Variants in DNASE1 observed in about 807,000 individuals in gnomAD.
DNASE1 encodes the protein deoxyribonuclease-1.
Under a neutral mutation model 33.9 loss-of-function variants are expected in DNASE1, and 40 were observed. That is an observed-to-expected ratio of 1.18 (90% CI 0.92 to 1.54). DNASE1 has a LOEUF of 1.54. Ranked by LOEUF, DNASE1 falls within the 40% of genes most tolerant of loss-of-function variation. The probability of loss-of-function intolerance (pLI) is 0.00; values close to 1 mark genes in which losing one functional copy is unlikely to be tolerated. For missense variants in DNASE1, 518 were observed against 372.6 expected (o/e 1.39, Z -3.21); for synonymous variants, 216 against 160.0 (o/e 1.35, Z -2.64).
In DNASE1 at chr16:3,627,275, C is replaced by CT. The variant is rs774487244; in HGVS notation, c.-1358-13424dup. ...TTGATTAGTGTTTGCATGACATATC[C>CT]TTTTTTTTTTTTTTTTAGACAGGGT... On this transcript the variant is annotated intron_variant and NMD_transcript_variant, in intron 1 of 11. Coordinates refer to the DNASE1 transcript ENST00000570769. Among the ~76,000 whole-genome samples, 1,541 of 133,862 alleles carry CT rather than the reference C, an allele frequency of 0.012. 56 individuals carry two copies. In the East Asian group the frequency reaches 0.13, roughly 12 times the overall value. 87.8% of individuals were successfully genotyped at this position (133,862 alleles called of 152,430 possible). A position where few individuals can be genotyped will look rare whatever the true frequency, so the allele number is the denominator to read the frequency against.
rs149879588 is a variant in DNASE1, at chr16:3,630,827, C to A, written c.-1358-9888C>A. Among the ~76,000 whole-genome samples, 126 of 151,866 alleles carry A rather than the reference C, an allele frequency of 8.3e-4. 1 individual carries two copies. The highest frequency in any genetic ancestry group is 2.7e-3 in the African/African-American group (112 of 41,404). ...ATCTAGCCTGAGCAACATAGAGAGA[C>A]CCTGTCTCTCTAAAAATAAAAGTAA... On this transcript the variant is annotated intron_variant and NMD_transcript_variant, in intron 1 of 11. Transcript: ENST00000570769.
chr16:3,664,152 C>A, exon 10 of DNASE1: 3 of 1,091,892 alleles, frequency 2.7e-6, no homozygotes, highest in Non-Finnish European at 3.8e-6. Context: ...TGCCCGTGAC[C>A]CTGACCCACT....
At chr16:3,624,457 G>A (rs1176994662) in intron 1 of DNASE1, among the ~76,000 whole-genome samples, 4 of 152,110 alleles carry the variant, frequency 2.6e-5, no homozygotes, top group South Asian at 2.1e-4. Flanking sequence ...CCCTTATGCC[G>A]AGCTCTAAAC....
At chr16:3,649,216 G>A (rs1429327886) in intron 1 of DNASE1, among the ~76,000 whole-genome samples, 1 of 152,190 alleles carries the variant, frequency 6.6e-6, no homozygotes, top group Non-Finnish European at 1.5e-5. Context: ...ACGGCAAAAT[G>A]GTGACTTTCA....
chr16:3,654,495 T>A (rs2151212844), upstream of DNASE1: 1 of 398,700 alleles, frequency 2.5e-6, no homozygotes, highest in Non-Finnish European at 4.4e-6. Context: ...TTGGCCTCTT[T>A]GTCCAAAGTG....
At chr16:3,635,402 G>A (rs2041837791) in intron 1 of DNASE1, among the ~76,000 whole-genome samples, 1 of 143,876 alleles carries the variant, frequency 7.0e-6, no homozygotes, top group African/African-American at 2.6e-5. Context: ...AGGTTGCAGT[G>A]AGCCAAGATC....
In DNASE1 at chr16:3,657,768, G is replaced by A. The variant is rs751042445; in HGVS notation, c.753G>A (p.Ser251=). The A allele has an allele frequency of 2.5e-5, 41 of 1,613,930 alleles. No homozygotes were observed. In the Admixed American group the frequency reaches 5.5e-4, roughly 22 times the overall value. ...MLLRGAVVPD[S]ALPFNFQAAY... ...TCCGAGGCGCCGTTGTTCCCGACTCGGCTCTTCCCTTTAACTTCCAGGCTG... is the reference window on the plus strand; with the variant it reads ...TCCGAGGCGCCGTTGTTCCCGACTCAGCTCTTCCCTTTAACTTCCAGGCTG... Residue 251 remains serine, a synonymous_variant, in exon 8 of 9, where the codon TCG becomes TCA. Coordinates refer to ENST00000246949, the MANE Select transcript of DNASE1 (RefSeq NM_005223.4).
chr16:3,657,054 C>CGAGATCGACGCTCTCTAT lies in DNASE1; in HGVS notation c.495_512dup (p.Glu165_Tyr170dup). On this transcript the variant is annotated inframe_insertion, in exon 6 of 9. Coordinates refer to ENST00000246949, the MANE Select transcript of DNASE1 (RefSeq NM_005223.4). ...ATGCGGCCCCGGGGGACGCAGTAGC[C>CGAGATCGACGCTCTCTAT]GAGATCGACGCTCTCTATGACGTCT... 1 of 1,614,002 alleles carries CGAGATCGACGCTCTCTAT rather than the reference C, an allele frequency of 6.2e-7. No individual in the cohort carries two copies. The highest frequency in any genetic ancestry group is 1.6e-4 in the Middle Eastern group (1 of 6,062).
rs770379259 is a variant in DNASE1, at chr16:3,664,422, G to A, written c.*6469G>A. 5.0e-6 allele frequency: 8 copies of A among 1,612,234 alleles called. No homozygotes were observed. The East Asian group carries it at 6.7e-5, about 13-fold the overall frequency. ...GCTGGTTAGCTGCCCGGAGGGCAGCGCCGAGGACTCGTAGCGCAGCAGCTT... is the reference window on the plus strand; with the variant it reads ...GCTGGTTAGCTGCCCGGAGGGCAGCACCGAGGACTCGTAGCGCAGCAGCTT... On this transcript the variant is annotated 3_prime_UTR_variant, in exon 10 of 10. Coordinates refer to the DNASE1 transcript ENST00000407479.
intron 1 of DNASE1, among the ~76,000 whole-genome samples, chr16:3,637,039 G>A (rs1567195811): frequency 2.6e-5 from 4 of 151,998 alleles, no homozygotes; most frequent in South Asian, 2.1e-4. Flanking sequence ...CAGGAGAATC[G>A]CTTGAACCCA....
At chr16:3,634,063 G>T (rs1395616577) in intron 1 of DNASE1, among the ~76,000 whole-genome samples, 1 of 151,854 alleles carries the variant, frequency 6.6e-6, no homozygotes, top group African/African-American at 2.4e-5. Flanking sequence ...GCCCGTCTCG[G>T]CCTCCCAAAG....
chr16:3,655,510 A>C lies in DNASE1; in HGVS notation c.137A>C (p.Tyr46Ser), dbSNP rs140187838. ...TKMSNATLVS[Y>S]IVQILSRYDI... ...ATGTCCAATGCCACCCTCGTCAGCT[A>C]CATTGTGCAGGTGAGGCCAGGGCAG... is the stretch of plus-strand genomic sequence containing the variant. The change falls in exon 2 of 9, where the codon TAC becomes TCC. Residue 46 changes from tyrosine (Y) to serine (S), a missense_variant. Coordinates refer to ENST00000246949, the MANE Select transcript of DNASE1 (RefSeq NM_005223.4). 5.1e-5 allele frequency: 82 copies of C among 1,614,130 alleles called. No homozygotes were observed. In the African/African-American group the frequency reaches 8.4e-4, roughly 17 times the overall value.
chr16:3,656,842 A>G (rs1321915034), intron 5 of DNASE1, 89 bp downstream of exon 5: 1 of 1,543,380 alleles, frequency 6.5e-7, no homozygotes, highest in Non-Finnish European at 8.7e-7. Flanking sequence ...TGTGTCACAC[A>G]CTGCCCTCCC....
downstream of DNASE1, chr16:3,661,325 TAA>T (rs2043060326): frequency 6.6e-6 from 1 of 151,016 alleles, no homozygotes; most frequent in African/African-American, 2.4e-5. Flanking sequence ...AAAGGGCATA[TAA>T]AGAACAACAG....
rs765352781 is a variant in DNASE1, at chr16:3,656,737, C to A, written c.420C>A (p.Phe140Leu). Residue 140 changes from phenylalanine (F) to leucine (L), a missense_variant, in exon 5 of 9, where the codon TTC (phenylalanine) becomes TTA (leucine). Physicochemically the swap from Phe to Leu is conservative, Grantham distance 22. Coordinates refer to ENST00000246949, the MANE Select transcript of DNASE1 (RefSeq NM_005223.4). ...TFNREPAIVR[F>L]FSRFTEVREF... ...ACCGAGAGCCAGCCATTGTCAGGTT[C>A]TTCTCCCGGTTCACAGGTGGGTGCT... The A allele has an allele frequency of 1.2e-6, 2 of 1,610,058 alleles. No individual in the cohort carries two copies. Among genetic ancestry groups the A allele is most frequent in the Non-Finnish European group, 1.7e-6 (2 of 1,178,220 alleles).
At chr16:3,662,973 G>A (rs1290451539), downstream of DNASE1, 21 of 1,604,878 alleles carry the variant, frequency 1.3e-5, no homozygotes, top group Non-Finnish European at 1.8e-5. Context: ...GGCGGCTGCG[G>A]AAGAGCAGGC....
chr16:3,656,660 G>C lies in DNASE1; in HGVS notation c.343G>C (p.Asp115His), dbSNP rs775559875. The change falls in exon 5 of 9, where the codon GAC becomes CAC. Residue 115 changes from aspartate to histidine, a missense_variant. Transcript: ENST00000246949. ...VYRPDQVSAV[D>H]SYYYDDGCEP... ...CAGGCCTGACCAGGTGTCTGCGGTG[G>C]ACAGCTACTACTACGATGATGGCTG... 9.3e-6 allele frequency: 15 copies of C among 1,612,682 alleles called. No individual in the cohort carries two copies. Among genetic ancestry groups the C allele is most frequent in the Middle Eastern group, 1.6e-4 (1 of 6,072 alleles).
At chr16:3,633,793 A>G (rs1432177318) in intron 1 of DNASE1, among the ~76,000 whole-genome samples, 1 of 151,974 alleles carries the variant, frequency 6.6e-6, no homozygotes, top group Non-Finnish European at 1.5e-5. Flanking sequence ...CACTTATTCA[A>G]AAGCGAAATT....
rs1567214369 is a variant in DNASE1 at position 3,657,909 on chromosome 16, C to CAA, written c.806_807dup (p.Ala270LysfsTer11). 6.2e-7 allele frequency: 1 copy of CAA among 1,614,002 alleles called. No individual in the cohort carries two copies. On this transcript the variant is annotated frameshift_variant, in exon 9 of 9. Coordinates refer to ENST00000246949, the MANE Select transcript of DNASE1 (RefSeq NM_005223.4). LOFTEE classifies it high-confidence loss of function. ...CCCTGTGCCCACTTGCCTGCAGGCC[C>CAA]AAGCCATCAGTGACCACTATCCAGT...
Sources: gnomAD v4.1 joint callset for allele counts (sites outside exome capture counted in the v4.1 genomes callset) on GRCh38, gnomAD v4.1.1 for gene constraint, MANE v1.5 for transcripts, NCBI Gene and HGNC (gene_info 2026-07-23, HGNC 2026-07-21) for gene names.